B4GALNT4: variants seen among roughly 807,000 people sequenced by gnomAD.
B4GALNT4 encodes the protein beta-1,4-N-acetyl-galactosaminyltransferase 4.
B4GALNT4 carries 77 observed loss-of-function variants against 110.0 expected under a neutral mutation model. The ratio of observed to expected loss-of-function variants is 0.70; its 90% CI spans 0.58 to 0.85. B4GALNT4 has a LOEUF of 0.85. B4GALNT4 is among the 40% of genes least tolerant of loss of function. The pLI is 0.00. For missense variants in B4GALNT4, 1,575 were observed against 1,506.0 expected (o/e 1.05, Z -0.76); for synonymous variants, 785 against 655.5 (o/e 1.20, Z -3.02).
rs201198481 is a variant in B4GALNT4 at position 373,297 on chromosome 11, C to T, written c.636+6C>T. On this transcript the variant is annotated splice_donor_region_variant and intron_variant, in intron 6 of 19. Coordinates refer to ENST00000329962, the MANE Select transcript of B4GALNT4 (RefSeq NM_178537.5). Reference sequence around the variant, plus strand: ...TTGTGGCCTTTGTGGGCAAGGTACCCCCACCCCAGCCCTGGTGTCGTCCCG... The same window carrying T: ...TTGTGGCCTTTGTGGGCAAGGTACCTCCACCCCAGCCCTGGTGTCGTCCCG... The T allele has an allele frequency of 1.9e-6, 3 of 1,605,746 alleles. No individual in the cohort carries two copies. The African/African-American group carries it at 4.0e-5, about 21-fold the overall frequency.
intron 1 of B4GALNT4, among the ~76,000 whole-genome samples, chr11:371,047 A>T (rs7120441): frequency 6.6e-6 from 1 of 151,982 alleles, no homozygotes; most frequent in Non-Finnish European, 1.5e-5. Context: ...GACACAGAAC[A>T]AAACCAGCCC....
Position 375,632 on chromosome 11 carries a change from C to T in B4GALNT4, c.851-7C>T, listed in dbSNP as rs1846729317. ...CTGAGCACTCCCTGGAACTCTTCTG[C>T]CCCCAGATGAGTCAGCCTTGAAGAT... On this transcript the variant is annotated splice_region_variant and splice_polypyrimidine_tract_variant and intron_variant, in intron 9 of 19. Transcript: ENST00000329962. 1.9e-6 allele frequency: 3 copies of T among 1,591,140 alleles called. No individual in the cohort carries two copies. Among genetic ancestry groups the T allele is most frequent in the Non-Finnish European group, 1.7e-6 (2 of 1,172,878 alleles).
At chr11:375,171 AGGG>A in intron 8 of B4GALNT4, among the ~76,000 whole-genome samples, 2 of 57,426 alleles carry the variant, frequency 3.5e-5, no homozygotes, top group African/African-American at 7.3e-5. Flanking sequence ...GGGAGGTGGA[AGGG>A]AGGGAGGAGG....
At chr11:376,053 C>T (rs760113991) in intron 11 of B4GALNT4, 21 bp from the exon 12 acceptor site, 5 of 1,606,314 alleles carry the variant, frequency 3.1e-6, no homozygotes, top group South Asian at 1.1e-5. Flanking sequence ...GCCCTGAGCC[C>T]TGCGCCCCCC....
At position 375,928 on chromosome 11, in the gene B4GALNT4, C is replaced by G; in HGVS notation, c.1067C>G (p.Pro356Arg). Residue 356 changes from proline (P) to arginine (R), a missense_variant, in exon 11 of 20, where the codon CCG (proline) becomes CGG (arginine). Pro to Arg is a moderately radical substitution (Grantham distance 103). Coordinates refer to ENST00000329962, the MANE Select transcript of B4GALNT4 (RefSeq NM_178537.5). The stretch of plus-strand genomic sequence containing the variant: ...CCCACCTACGTGGTCAAGGACTTCC[C>G]GATCGCCAGATACCAGGGCCTGCAA... ...YAPTYVVKDF[P>R]IARYQGLQFV... The G allele has an allele frequency of 3.1e-6, 5 of 1,611,962 alleles. No homozygotes were observed. Among genetic ancestry groups the G allele is most frequent in the African/African-American group, 1.3e-5 (1 of 74,956 alleles).
Position 376,831 on chromosome 11 carries a change from C to G in B4GALNT4, c.1708C>G (p.Arg570Gly). 1 of 1,340,134 alleles carries G rather than the reference C, an allele frequency of 7.5e-7. No homozygotes were observed. The allele number at this position is 1,340,134 out of a possible 1,614,324, so 83.0% of individuals were successfully genotyped here. Residue 570 changes from arginine (R) to glycine (G), a missense_variant, in exon 14 of 20, where the codon CGC becomes GGC. Transcript: ENST00000329962. ...CAGAGTGCAGCTGCGGGCGCCCCCACGCCCACCCCGGCCCCACGGCCGCAG... is the reference window on the plus strand; with the variant it reads ...CAGAGTGCAGCTGCGGGCGCCCCCAGGCCCACCCCGGCCCCACGGCCGCAG... ...LPRVQLRAPP[R>G]PPRPHGRRTG...
intron 7 of B4GALNT4, 97 bp downstream of exon 7, chr11:373,613 C>T: frequency 6.6e-7 from 1 of 1,523,754 alleles, no homozygotes; most frequent in Non-Finnish European, 9.0e-7. Context: ...GCACACTCTG[C>T]ACGAGCACCC....
chr11:379,203 G>A lies in B4GALNT4; in HGVS notation c.2205-215G>A, dbSNP rs1310551212. On this transcript the variant is annotated intron_variant, in intron 14 of 19. Transcript: ENST00000329962. ...AGGAGGTGAGGATGGGCCTGGGCTCGCTGGTGTGCCCCCAGTCCTGCCCCG... is the reference window on the plus strand; with the variant it reads ...AGGAGGTGAGGATGGGCCTGGGCTCACTGGTGTGCCCCCAGTCCTGCCCCG... 3.9e-4 allele frequency among the ~76,000 whole-genome samples: 60 copies of A among 152,206 alleles called. 1 individual carries two copies. Among genetic ancestry groups the A allele is most frequent in the Admixed American group, 3.6e-3 (55 of 15,292 alleles).
Position 373,116 on chromosome 11 carries a change from G to A in B4GALNT4, c.535G>A (p.Gly179Arg), listed in dbSNP as rs1564868214. 3.1e-6 allele frequency: 5 copies of A among 1,612,578 alleles called. No homozygotes were observed. The highest frequency in any genetic ancestry group is 4.2e-6 in the Non-Finnish European group (5 of 1,179,878). The change falls in exon 5 of 20, where the codon GGA (glycine) becomes AGA (arginine). Residue 179 changes from glycine (G) to arginine (R), a missense_variant and splice_region_variant. Transcript: ENST00000329962. ...IFGFIHPARD[G>R]DVQFSVASDD... ...TGGTTTCATCCACCCGGCGAGGGAC[G>A]GTACGGGGGTGAGGGTGCCCCGGGG...
At chr11:372,829 A>T (rs1846642567) in intron 3 of B4GALNT4, 23 bp from the exon 4 acceptor site, 2 of 1,589,608 alleles carry the variant, frequency 1.3e-6, no homozygotes, top group Non-Finnish European at 1.7e-6. Flanking sequence ...GCCGTGCAGA[A>T]GGTAAGGCCC....
intron 14 of B4GALNT4, among the ~76,000 whole-genome samples, chr11:378,227 G>T (rs187561973): frequency 2.0e-5 from 3 of 152,210 alleles, no homozygotes; most frequent in Admixed American, 2.0e-4. Flanking sequence ...GGAAGGTTGC[G>T]AGCAGAGCAG....
At position 373,664 on chromosome 11, in the gene B4GALNT4, G is replaced by A. The variant is rs76847575; in HGVS notation, c.705-86G>A. ...CATCCTCCTGAGGGCCAGCCCTGAG[G>A]GGTGTGGGAGCCACCTGCCCCCTTC... On this transcript the variant is annotated intron_variant, in intron 7 of 19. Coordinates refer to ENST00000329962, the MANE Select transcript of B4GALNT4 (RefSeq NM_178537.5). The A allele has an allele frequency of 2.9e-3, 4,504 of 1,534,298 alleles. 113 individuals carry two copies. In the African/African-American group the frequency reaches 0.055, roughly 19 times the overall value.
chr11:377,919 C>T (rs550355145), intron 14 of B4GALNT4, among the ~76,000 whole-genome samples: 2 of 152,310 alleles, frequency 1.3e-5, no homozygotes, highest in South Asian at 4.1e-4. Flanking sequence ...TCTAATTTGG[C>T]CTTGGGGAGG....
At chr11:381,196 C>T in intron 19 of B4GALNT4, 1 of 964,412 alleles carries the variant, frequency 1.0e-6, no homozygotes, top group Non-Finnish European at 1.2e-6. Context: ...CCCCCGATCC[C>T]ATAGGCCCTG....
In B4GALNT4 at chr11:372,095, T is replaced by C. The variant is rs72847391; in HGVS notation, c.152-14T>C. ...GAGCCTGGGCCCGAGACAGGCCTCA[T>C]GTGCCACCTGCAGATGGTGAGAAGC... On this transcript the variant is annotated splice_polypyrimidine_tract_variant and intron_variant, in intron 1 of 19. Transcript: ENST00000329962. 0.13 allele frequency: 202,572 copies of C among 1,546,268 alleles called. 14,819 individuals are homozygous for C. Among genetic ancestry groups the C allele is most frequent in the Admixed American group, 0.2 (10,311 of 50,914 alleles).
chr11:376,542 C>T lies in B4GALNT4; in HGVS notation c.1419C>T (p.Thr473=). The change falls in exon 14 of 20, where the codon ACC becomes ACT. Residue 473 remains threonine (T), a synonymous_variant. Transcript: ENST00000329962. The part of the protein sequence containing the change: ...APAAPAQPGA[T]LAPPTPPRPR... ...CAGCCCCCGCCCAGCCCGGAGCCAC[C>T]CTCGCCCCGCCGACCCCTCCCCGCC... 1 of 1,397,068 alleles carries T rather than the reference C, an allele frequency of 7.2e-7. No homozygotes were observed. 86.5% of individuals were successfully genotyped at this position (1,397,068 alleles called of 1,614,324 possible).
rs781561626 is a variant in B4GALNT4, at chr11:376,301, A to G, written c.1247A>G (p.Asp416Gly). ...MKMDKEEGDEDEEDEVQRRAF... is the reference protein window; with the variant it reads ...MKMDKEEGDEGEEDEVQRRAF... Reference sequence around the variant, plus strand: ...ATGGACAAGGAGGAGGGGGATGAGGATGAAGAAGACGAGGTGCAGCGCCGA... The same window carrying G: ...ATGGACAAGGAGGAGGGGGATGAGGGTGAAGAAGACGAGGTGCAGCGCCGA... Residue 416 changes from aspartate (D) to glycine (G), a missense_variant, in exon 13 of 20, where the codon GAT (aspartate) becomes GGT (glycine). By Grantham distance (94) the Asp-to-Gly change is moderately conservative (BLOSUM62 -1). Transcript: ENST00000329962. 3.7e-6 allele frequency: 6 copies of G among 1,610,566 alleles called. No individual in the cohort carries two copies. Among genetic ancestry groups the G allele is most frequent in the African/African-American group, 1.3e-5 (1 of 74,946 alleles).
At position 373,793 on chromosome 11, in the gene B4GALNT4, C is replaced by G; in HGVS notation, c.748C>G (p.Gln250Glu). The change falls in exon 8 of 20, where the codon CAG becomes GAG. Residue 250 changes from glutamine (Q) to glutamate (E), a missense_variant. Transcript: ENST00000329962. ...GTACTACTTTGAGTTGCTGCACAAG[C>G]AGGACGACCGCGGCTCGGACCACGT... ...RRYYFELLHK[Q>E]DDRGSDHVEV... 6.2e-7 allele frequency: 1 copy of G among 1,612,328 alleles called. No homozygotes were observed. Among genetic ancestry groups the G allele is most frequent in the South Asian group, 1.1e-5 (1 of 91,080 alleles).
At chr11:380,682 A>T in intron 18 of B4GALNT4, 143 bp from the exon 19 acceptor site, 1 of 1,409,664 alleles carries the variant, frequency 7.1e-7, no homozygotes, top group Non-Finnish European at 9.9e-7. Context: ...GTCATGACCC[A>T]GTACCACCGG....
Sources: allele counts gnomAD v4.1 joint callset (sites outside exome capture counted in the v4.1 genomes callset), GRCh38; gene constraint gnomAD v4.1.1; transcripts MANE v1.5; gene names NCBI Gene and HGNC (gene_info 2026-07-23, HGNC 2026-07-21).